Variants in KLHL3 observed in about 807,000 individuals in gnomAD.
The protein encoded by KLHL3 is kelch-like protein 3.
In KLHL3, 19 loss-of-function variants were observed where a neutral mutation model predicts 70.5. The ratio of observed to expected loss-of-function variants is 0.27; its 90% CI spans 0.19 to 0.40. KLHL3 has a LOEUF of 0.40. Among genes scored for constraint, KLHL3 ranks in the 10% least tolerant of loss-of-function variants. The pLI, the probability that KLHL3 is intolerant of heterozygous loss-of-function variation, is 1.00. For missense variants in KLHL3, 512 were observed against 771.1 expected, an observed-to-expected ratio of 0.66 and a Z score of 3.98; for synonymous variants, 258 against 290.3, an observed-to-expected ratio of 0.89 and a Z score of 1.13.
chr5:137,663,880 C>T (rs989446902), intron 6 of KLHL3, among the ~76,000 whole-genome samples: 2 of 152,132 alleles, frequency 1.3e-5, no homozygotes, highest in Non-Finnish European at 2.9e-5. Context: ...GAAGAAATCA[C>T]ATCAGTGCTG....
At chr5:137,713,626 TGGTTTC>T (rs1395780886) in intron 2 of KLHL3, among the ~76,000 whole-genome samples, 3 of 152,166 alleles carry the variant, frequency 2.0e-5, no homozygotes, top group Non-Finnish European at 4.4e-5. Context: ...AATAAGGCAA[TGGTTTC>T]TTAGATATGA....
At chr5:137,690,026 G>A (rs1364598406) in intron 5 of KLHL3, among the ~76,000 whole-genome samples, 1 of 152,142 alleles carries the variant, frequency 6.6e-6, no homozygotes, top group South Asian at 2.1e-4. Context: ...ACTAGCAAAC[G>A]TTTGTGAAAA....
chr5:137,677,679 G>T, intron 5 of KLHL3, 25 bp from the exon 6 acceptor site: 1 of 1,359,640 alleles, frequency 7.4e-7, no homozygotes, highest in Non-Finnish European at 1.0e-6. Context: ...AAAAAAAGAA[G>T]TTAAGAAAAC....
intron 7 of KLHL3, among the ~76,000 whole-genome samples, chr5:137,660,372 G>A (rs1166501746): frequency 6.6e-6 from 1 of 152,170 alleles, no homozygotes; most frequent in African/African-American, 2.4e-5. Flanking sequence ...CTGTGGAAGC[G>A]AGACTATACT....
rs1029423512 is a variant in KLHL3 at position 137,705,957 on chromosome 5, G to T, written c.241+3793C>A. On this transcript the variant is annotated intron_variant, in intron 3 of 14. Coordinates refer to ENST00000309755, the MANE Select transcript of KLHL3 (RefSeq NM_017415.3). ...CTGGCCTCCCCACTCAAGTTATGCT[G>T]AAAGCAGTAAAGGGCAAATAGGTTG... 7 of 954,036 alleles carry T rather than the reference G, an allele frequency of 7.3e-6. No individual in the cohort carries two copies. The South Asian group carries it at 3.4e-4, about 46-fold the overall frequency. 59.1% of individuals were successfully genotyped at this position (954,036 alleles called of 1,614,324 possible). A position where few individuals can be genotyped will look rare whatever the true frequency, so the allele number is the denominator to read the frequency against.
intron 12 of KLHL3, among the ~76,000 whole-genome samples, chr5:137,631,296 G>C (rs3822835): frequency 6.6e-6 from 1 of 152,122 alleles, no homozygotes; most frequent in African/African-American, 2.4e-5. Context: ...AGACAAAGCA[G>C]GGGAGAAGGG....
intron 6 of KLHL3, among the ~76,000 whole-genome samples, chr5:137,676,277 C>T (rs896730702): frequency 5.3e-5 from 8 of 152,288 alleles, no homozygotes; most frequent in Middle Eastern, 3.4e-3. Flanking sequence ...ATTCTCTGGA[C>T]GTGTGAATAC....
Position 137,625,777 on chromosome 5 carries a change from T to C in KLHL3, c.1711A>G (p.Met571Val), listed in dbSNP as rs1163184952. The C allele has an allele frequency of 6.2e-7, 1 of 1,614,154 alleles. No homozygotes were observed. The highest frequency in any genetic ancestry group is 1.7e-5 in the Admixed American group (1 of 60,012). The change falls in exon 14 of 15, where the codon ATG (methionine) becomes GTG (valine). Residue 571 changes from methionine to valine, a missense_variant. Transcript: ENST00000309755. ...TDKWTLLPTN[M>V]STGRSYAGVA... ...CCTGCATAGCTCCGCCCCGTGCTCATGTTCGTTGGAAGCAGCGTCCATTTG... is the reference window on the plus strand; with the variant it reads ...CCTGCATAGCTCCGCCCCGTGCTCACGTTCGTTGGAAGCAGCGTCCATTTG...
intron 1 of KLHL3, among the ~76,000 whole-genome samples, chr5:137,724,727 T>C (rs777206145): frequency 1.4e-4 from 22 of 152,120 alleles, no homozygotes; most frequent in African/African-American, 5.3e-4. Flanking sequence ...CACAGGAAGT[T>C]TGGAGGAGAC....
Position 137,698,326 on chromosome 5 carries a change from G to C in KLHL3, c.324C>G (p.Ile108Met). The C allele has an allele frequency of 6.2e-7, 1 of 1,614,220 alleles. No homozygotes were observed. Among genetic ancestry groups the C allele is most frequent in the Admixed American group, 1.7e-5 (1 of 60,036 alleles). ...CAGTCACCTCGATTTCAGCAGTATA[G>C]ATGTAGTCAATCAGCTTACTCAGCG... ...GQTLSKLIDY[I>M]YTAEIEVTEE... The change falls in exon 4 of 15, where the codon ATC (isoleucine) becomes ATG (methionine). Residue 108 changes from isoleucine to methionine, a missense_variant. Transcript: ENST00000309755.
At chr5:137,637,965 G>A (rs1750812705) in intron 10 of KLHL3, among the ~76,000 whole-genome samples, 1 of 152,190 alleles carries the variant, frequency 6.6e-6, no homozygotes, top group Non-Finnish European at 1.5e-5. Flanking sequence ...TCACGATCAT[G>A]AGAAAAAGGC....
intron 4 of KLHL3, 107 bp from the exon 5 acceptor site, chr5:137,692,554 A>G: frequency 9.5e-7 from 1 of 1,056,470 alleles, no homozygotes; most frequent in Non-Finnish European, 1.4e-6. Flanking sequence ...ATGGCTCTCC[A>G]CTGCCCGCCA....
intron 2 of KLHL3, among the ~76,000 whole-genome samples, chr5:137,712,955 T>C (rs1047611412): frequency 1.3e-5 from 2 of 152,108 alleles, no homozygotes; most frequent in Non-Finnish European, 2.9e-5. Flanking sequence ...TTTTTTTCAA[T>C]TGTCTGCTTC....
intron 8 of KLHL3, among the ~76,000 whole-genome samples, chr5:137,644,321 C>T (rs746298348): frequency 2.0e-5 from 3 of 152,186 alleles, no homozygotes; most frequent in African/African-American, 7.2e-5. Context: ...CCACTCGCCT[C>T]GGCCTCCCAA....
chr5:137,717,730 T>C (rs1334138792), intron 2 of KLHL3, among the ~76,000 whole-genome samples: 1 of 152,132 alleles, frequency 6.6e-6, no homozygotes, highest in African/African-American at 2.4e-5. Context: ...ATATTCTAAA[T>C]GTTCTATAAT....
chr5:137,662,700 G>T (rs1169279063), intron 6 of KLHL3, among the ~76,000 whole-genome samples: 2 of 152,182 alleles, frequency 1.3e-5, no homozygotes, highest in Non-Finnish European at 2.9e-5. Flanking sequence ...CAAACCCTGT[G>T]CCACCACATA....
In KLHL3 at chr5:137,720,502, T is replaced by C. The variant is rs769262951; in HGVS notation, c.97A>G (p.Met33Val). 22 of 1,614,048 alleles carry C rather than the reference T, an allele frequency of 1.4e-5. No individual in the cohort carries two copies. The highest frequency in any genetic ancestry group is 8.3e-5 in the Admixed American group (5 of 60,000). The change falls in exon 2 of 15, where the codon ATG becomes GTG. Residue 33 changes from methionine to valine, a missense_variant. By Grantham distance (21) the Met-to-Val change is conservative. Coordinates refer to ENST00000309755, the MANE Select transcript of KLHL3 (RefSeq NM_017415.3). ...QRTITVNPAH[M>V]GKAFKVMNEL... ...TTCATAACCTTGAATGCTTTCCCCA[T>C]GTGGGCAGGGTTGACAGTGATCGTC...
Position 137,729,098 on chromosome 5 carries a change from T to C in KLHL3, c.14+6535A>G, listed in dbSNP as rs1753131248. On this transcript the variant is annotated intron_variant, in intron 1 of 14. Coordinates refer to ENST00000309755, the MANE Select transcript of KLHL3 (RefSeq NM_017415.3). ...AAATGCTGTTAAAGGTTATGATCTG[T>C]TTCACCTCTAAAGGTCTCCAAGAGA... 1.3e-5 allele frequency among the ~76,000 whole-genome samples: 2 copies of C among 152,030 alleles called. 1 individual carries two copies. Among genetic ancestry groups the C allele is most frequent in the African/African-American group, 4.8e-5 (2 of 41,374 alleles).
intron 4 of KLHL3, among the ~76,000 whole-genome samples, chr5:137,693,401 A>C (rs1752370685): frequency 6.6e-6 from 1 of 152,154 alleles, no homozygotes; most frequent in African/African-American, 2.4e-5. Context: ...GTTTTTCCTA[A>C]GGGTCAGGGA....
Sources: gnomAD v4.1 joint callset for allele counts (sites outside exome capture counted in the v4.1 genomes callset) on GRCh38, gnomAD v4.1.1 for gene constraint, MANE v1.5 for transcripts, NCBI Gene and HGNC (gene_info 2026-07-23, HGNC 2026-07-21) for gene names.